The following PKP4 variants were observed in gnomAD, a reference collection of about 807,000 sequenced individuals.
The protein encoded by PKP4 is plakophilin-4.
Under a neutral mutation model 145.1 loss-of-function variants are expected in PKP4, and 90 were observed. The observed-to-expected ratio is 0.62, with a 90% CI of 0.52 to 0.74. The LOEUF (loss-of-function observed/expected upper bound fraction) is 0.74, where lower values mean the gene tolerates loss of function less well. Among genes scored for constraint, PKP4 ranks in the 30% least tolerant of loss-of-function variants. PKP4 has a pLI of 0.00. For missense variants in PKP4, 1,340 were observed against 1,482.7 expected (o/e 0.90, Z 1.58); for synonymous variants, 563 against 577.2 (o/e 0.98, Z 0.35).
intron 1 of PKP4, among the ~76,000 whole-genome samples, chr2:158,504,985 G>GC (rs1697105308): frequency 6.6e-6 from 1 of 152,172 alleles, no homozygotes; most frequent in Admixed American, 6.5e-5. Flanking sequence ...TCACAAAGAT[G>GC]CTTCTTCCAA....
intron 1 of PKP4, among the ~76,000 whole-genome samples, chr2:158,531,242 G>C (rs770088670): frequency 2.6e-5 from 4 of 152,068 alleles, no homozygotes; most frequent in Admixed American, 6.5e-5. Context: ...TGACATTTCT[G>C]TTTCTCCTTT....
At chr2:158,539,147 A>T (rs1199941010) in intron 2 of PKP4, among the ~76,000 whole-genome samples, 1 of 152,154 alleles carries the variant, frequency 6.6e-6, no homozygotes, top group Non-Finnish European at 1.5e-5. Flanking sequence ...GTATGTCCTT[A>T]TTAACTTAAG....
rs570926754 is a variant in PKP4 at position 158,619,310 on chromosome 2, A to T, written c.281-1680A>T. Reference sequence around the variant, plus strand: ...TTTCAACGTGTACCAGGGAAACCATATACAATCTTTAATCTTTGTTGAAAT... The same window carrying T: ...TTTCAACGTGTACCAGGGAAACCATTTACAATCTTTAATCTTTGTTGAAAT... On this transcript the variant is annotated intron_variant, in intron 4 of 21. Transcript: ENST00000389759. Among the ~76,000 whole-genome samples the T allele has an allele frequency of 9.8e-5, 15 of 152,360 alleles. No individual in the cohort carries two copies. The South Asian group carries it at 3.1e-3, about 32-fold the overall frequency.
intron 16 of PKP4, among the ~76,000 whole-genome samples, chr2:158,668,476 T>A (rs2057300852): frequency 6.6e-6 from 1 of 152,232 alleles, no homozygotes; most frequent in African/African-American, 2.4e-5. Context: ...CACCCTGCTG[T>A]CTGGAGCTGC....
intron 1 of PKP4, among the ~76,000 whole-genome samples, chr2:158,488,622 C>A (rs934057148): frequency 1.3e-5 from 2 of 152,294 alleles, no homozygotes; most frequent in East Asian, 3.9e-4. Flanking sequence ...TTAAGATAGC[C>A]TCCAGTGATC....
intron 3 of PKP4, among the ~76,000 whole-genome samples, chr2:158,595,261 A>C (rs2049627053): frequency 6.6e-6 from 1 of 152,206 alleles, no homozygotes; most frequent in South Asian, 2.1e-4. Flanking sequence ...GACAGGTTAT[A>C]GCATTAGAGA....
intron 2 of PKP4, among the ~76,000 whole-genome samples, chr2:158,573,150 C>T (rs1311908880): frequency 1.3e-5 from 2 of 152,244 alleles, no homozygotes; most frequent in South Asian, 2.1e-4. Flanking sequence ...ATGTGATAGC[C>T]GTGCAATGGA....
chr2:158,664,275 T>G (rs1327954707), intron 15 of PKP4, among the ~76,000 whole-genome samples: 4 of 152,184 alleles, frequency 2.6e-5, no homozygotes, highest in African/African-American at 9.6e-5. Context: ...ATAGAGGACC[T>G]CTGTTCCTCT....
chr2:158,549,498 A>G lies in PKP4; in HGVS notation c.132+16182A>G, dbSNP rs970704855. ...GCTTTGGTTGAATATGTTCCTTCCCACCGCCACCCCTAGATTTAGACCTCT... is the reference window on the plus strand; with the variant it reads ...GCTTTGGTTGAATATGTTCCTTCCCGCCGCCACCCCTAGATTTAGACCTCT... On this transcript the variant is annotated intron_variant, in intron 2 of 21. Coordinates refer to ENST00000389759, the MANE Select transcript of PKP4 (RefSeq NM_003628.6). Among the ~76,000 whole-genome samples, 17 of 151,856 alleles carry G rather than the reference A, an allele frequency of 1.1e-4. 1 individual carries two copies. The highest frequency in any genetic ancestry group is 4.6e-4 in the Admixed American group (7 of 15,236).
At chr2:158,538,381 G>T (rs2044238449) in intron 2 of PKP4, among the ~76,000 whole-genome samples, 1 of 152,168 alleles carries the variant, frequency 6.6e-6, no homozygotes, top group Non-Finnish European at 1.5e-5. Context: ...GGATTTGCAA[G>T]TATCTTTCAC....
At chr2:158,511,760 AAT>A (rs1203463003) in intron 1 of PKP4, among the ~76,000 whole-genome samples, 1 of 152,196 alleles carries the variant, frequency 6.6e-6, no homozygotes, top group Admixed American at 6.5e-5. Flanking sequence ...TTTCATGTAG[AAT>A]ATGATTATTT....
chr2:158,469,503 A>G (rs1691217770), intron 1 of PKP4, among the ~76,000 whole-genome samples: 2 of 152,198 alleles, frequency 1.3e-5, no homozygotes, highest in Non-Finnish European at 2.9e-5. Flanking sequence ...ATCTGGCTAA[A>G]TGAAGTCTTC....
intron 1 of PKP4, among the ~76,000 whole-genome samples, chr2:158,496,662 A>G (rs1228901466): frequency 6.6e-6 from 1 of 151,980 alleles, no homozygotes; most frequent in Non-Finnish European, 1.5e-5. Context: ...GTGTCCCCAA[A>G]ATGTTCTTAT....
chr2:158,572,289 T>C (rs1277239253), intron 2 of PKP4, among the ~76,000 whole-genome samples: 2 of 152,168 alleles, frequency 1.3e-5, no homozygotes, highest in Admixed American at 6.5e-5. Flanking sequence ...AGAGAAAATA[T>C]GAAAGCGCTA....
chr2:158,464,493 A>G (rs1453935901), intron 1 of PKP4, among the ~76,000 whole-genome samples: 2 of 152,214 alleles, frequency 1.3e-5, no homozygotes, highest in Non-Finnish European at 2.9e-5. Context: ...GAACTCTAGT[A>G]TGTATTTATC....
chr2:158,665,974 A>G (rs1050422293), intron 15 of PKP4: 1 of 152,304 alleles, frequency 6.6e-6, no homozygotes, highest in Non-Finnish European at 1.5e-5. Context: ...GTTGCAGGGA[A>G]TATAGAAAAA....
At chr2:158,595,628 T>A (rs993930451) in intron 3 of PKP4, among the ~76,000 whole-genome samples, 2 of 152,286 alleles carry the variant, frequency 1.3e-5, no homozygotes, top group African/African-American at 4.8e-5. Context: ...TAGATAGAAA[T>A]AAAAATCTTA....
At chr2:158,678,871 A>G in intron 21 of PKP4, 1 of 582,040 alleles carries the variant, frequency 1.7e-6, no homozygotes. Flanking sequence ...TGCTGAGACC[A>G]CCGTGCCACT....
chr2:158,661,590 T>C, intron 13 of PKP4, 140 bp downstream of exon 13: 1 of 617,734 alleles, frequency 1.6e-6, no homozygotes, highest in South Asian at 1.8e-5. Context: ...AAAGGGCAAG[T>C]CTCCAAAGTT....
Sources: allele counts gnomAD v4.1 joint callset (sites outside exome capture counted in the v4.1 genomes callset), GRCh38; gene constraint gnomAD v4.1.1; transcripts MANE v1.5; gene names NCBI Gene and HGNC (gene_info 2026-07-23, HGNC 2026-07-21).